Variants in ADCY4 observed in about 807,000 individuals in gnomAD.
ADCY4 encodes the protein adenylate cyclase 4.
Under a neutral mutation model 125.5 loss-of-function variants are expected in ADCY4, and 111 were observed. The ratio of observed to expected loss-of-function variants is 0.88; its 90% CI spans 0.76 to 1.04. The LOEUF is 1.04. ADCY4 is among the 50% of genes least tolerant of loss of function. The probability of loss-of-function intolerance (pLI) is 0.00; values close to 1 mark genes in which losing one functional copy is unlikely to be tolerated. For synonymous variants in ADCY4, 576 were observed against 586.9 expected, an observed-to-expected ratio of 0.98 and a Z score of 0.27; for missense variants, 1,256 against 1,382.9, an observed-to-expected ratio of 0.91 and a Z score of 1.46.
Position 24,323,021 on chromosome 14 carries a change from A to G in ADCY4, c.2225T>C (p.Leu742Pro). Reference protein sequence around the residue: ...CSLFLHMSFELKLLLLLLWLA... With the variant: ...CSLFLHMSFEPKLLLLLLWLA... ...CCACAGCAGGAGCAGCAGCAGCTTC[A>G]GCTCGAAGCTCATGTGCAGAAAGAG... is the stretch of plus-strand genomic sequence containing the variant. The change falls in exon 18 of 25, where the codon CTG (leucine) becomes CCG (proline). Residue 742 changes from leucine (L) to proline (P), a missense_variant. Leu to Pro is a moderately conservative substitution (Grantham distance 98). Transcript: ENST00000418030. The G allele has an allele frequency of 6.2e-7, 1 of 1,614,182 alleles. No individual in the cohort carries two copies. Among genetic ancestry groups the G allele is most frequent in the Non-Finnish European group, 8.5e-7 (1 of 1,180,026 alleles).
At position 24,318,513 on chromosome 14, in the gene ADCY4, C is replaced by T. The variant is rs779208083; in HGVS notation, c.3137G>A (p.Arg1046Gln). 27 of 1,614,030 alleles carry T rather than the reference C, an allele frequency of 1.7e-5. No individual in the cohort carries two copies. Among genetic ancestry groups the T allele is most frequent in the African/African-American group, 5.3e-5 (4 of 74,888 alleles). ...LQSLGYTCYSRGVIKVKGKGQ... is the reference protein window; with the variant it reads ...LQSLGYTCYSQGVIKVKGKGQ... ...TTTGCCTTTCACCTTGATGACACCC[C>T]GGCTGTAGCAGGTGTAGCCCAGGGA... The change falls in exon 25 of 25, where the codon CGG becomes CAG. Residue 1046 changes from arginine (R) to glutamine (Q), a missense_variant. Transcript: ENST00000418030.
chr14:24,324,595 G>A (rs2041911106), intron 14 of ADCY4, among the ~76,000 whole-genome samples: 1 of 152,194 alleles, frequency 6.6e-6, no homozygotes, highest in African/African-American at 2.4e-5. Context: ...GTGTCGAGGT[G>A]GAACAGGGAC....
At chr14:24,330,830 A>T in intron 6 of ADCY4, 188 bp downstream of exon 6, 1 of 585,092 alleles carries the variant, frequency 1.7e-6, no homozygotes, top group South Asian at 2.2e-5. Flanking sequence ...TGTAGGTTTG[A>T]GGTGTGTGGT....
intron 23 of ADCY4, 152 bp from the exon 24 acceptor site, chr14:24,318,930 G>T (rs955370201): frequency 1.4e-6 from 2 of 1,399,196 alleles, no homozygotes; most frequent in African/African-American, 2.9e-5. Flanking sequence ...GAAAAAGAGT[G>T]GGAGAGCCTC....
chr14:24,325,195 AGG>A (rs2041922803), intron 14 of ADCY4, among the ~76,000 whole-genome samples, 180 bp downstream of exon 14: 1 of 151,552 alleles, frequency 6.6e-6, no homozygotes, highest in African/African-American at 2.4e-5. Flanking sequence ...GAAAGTCCAC[AGG>A]ATCTACAAGG....
At position 24,332,564 on chromosome 14, in the gene ADCY4, A is replaced by T; in HGVS notation, c.477T>A (p.Tyr159Ter). ...SLSHLLVLGL[Y>*]LGPQPDSRPA... ...GCCGTGAGTCCGGCTGTGGCCCAAG[A>T]TACAGCCCGAGGACCAGCAGATGCG... Residue 159 changes from tyrosine (Y) to a stop codon, truncating the protein, a stop_gained, in exon 3 of 25, where the codon TAT (tyrosine) becomes TAA (stop). Transcript: ENST00000418030. LOFTEE classifies it high-confidence loss of function. 3 of 1,575,346 alleles carry T rather than the reference A, an allele frequency of 1.9e-6. No homozygotes were observed. Among genetic ancestry groups the T allele is most frequent in the Non-Finnish European group, 2.6e-6 (3 of 1,160,518 alleles).
chr14:24,325,951 A>G lies in ADCY4; in HGVS notation c.1656-64T>C. On this transcript the variant is annotated intron_variant, in intron 12 of 24. Transcript: ENST00000418030. ...ACAGAGGGCACAGAAGGGCAGGAAG[A>G]GGGCAGAGTGAGGGCAAGAGGGGGT... The G allele has an allele frequency of 1.9e-6, 3 of 1,582,652 alleles. No individual in the cohort carries two copies. The East Asian group carries it at 6.8e-5, about 36-fold the overall frequency.
chr14:24,322,781 C>G, intron 18 of ADCY4, 73 bp from the exon 19 acceptor site: 1 of 1,560,332 alleles, frequency 6.4e-7, no homozygotes, highest in South Asian at 1.2e-5. Flanking sequence ...CCATGTAGGC[C>G]TCCGCTTCCC....
At chr14:24,325,936 C>A in intron 12 of ADCY4, 49 bp from the exon 13 acceptor site, 1 of 1,578,486 alleles carries the variant, frequency 6.3e-7, no homozygotes, top group Non-Finnish European at 8.6e-7. Context: ...ACAGAGGGCA[C>A]AGAAGGGCAG....
At chr14:24,330,942 G>C in intron 6 of ADCY4, 76 bp downstream of exon 6, 1 of 1,345,982 alleles carries the variant, frequency 7.4e-7, no homozygotes, top group South Asian at 1.4e-5. Flanking sequence ...TTATAAGGTG[G>C]GAGTTTCCCT....
chr14:24,329,410 G>A lies in ADCY4; in HGVS notation c.1341C>T (p.Ile447=), dbSNP rs150250414. 328 of 1,554,106 alleles carry A rather than the reference G, an allele frequency of 2.1e-4. No homozygotes were observed. The highest frequency in any genetic ancestry group is 2.7e-4 in the Non-Finnish European group (316 of 1,154,832). The change falls in exon 9 of 25, where the codon ATC becomes ATT. Residue 447 remains isoleucine, a synonymous_variant. Transcript: ENST00000418030. ...TGGGCTGGGCTTTTACCCGTGGATCGATGACCAGATAGGTAGGCTCCCCTA... is the reference window on the plus strand; with the variant it reads ...TGGGCTGGGCTTTTACCCGTGGATCAATGACCAGATAGGTAGGCTCCCCTA... ...RELGEPTYLV[I]DPRAEEEDEK... is the part of the protein sequence containing the mutation.
chr14:24,325,532 G>A, intron 13 of ADCY4, 58 bp from the exon 14 acceptor site: 1 of 1,465,958 alleles, frequency 6.8e-7, no homozygotes, highest in Non-Finnish European at 9.5e-7. Flanking sequence ...TCACCTTGAA[G>A]GCATCACTCC....
Position 24,326,134 on chromosome 14 carries a change from G to T in ADCY4, c.1600C>A (p.Leu534Met), listed in dbSNP as rs1474649107. The T allele has an allele frequency of 4.4e-6, 7 of 1,592,724 alleles. No individual in the cohort carries two copies. Among genetic ancestry groups the T allele is most frequent in the South Asian group, 1.1e-5 (1 of 88,860 alleles). Residue 534 changes from leucine to methionine, a missense_variant, in exon 12 of 25, where the codon CTG (leucine) becomes ATG (methionine). By Grantham distance (15) the Leu-to-Met change is conservative. Coordinates refer to ENST00000418030, the MANE Select transcript of ADCY4 (RefSeq NM_001198568.2). ...AAGAACTTGGCATCCCCGGTGTCCA[G>T]TTCATCATCTAGTCCCCGGGGGGTA... ...SRTPRGLDDE[L>M]DTGDAKFFQV...
At chr14:24,332,147 A>G (rs2042051110) in intron 3 of ADCY4, 1 of 550,984 alleles carries the variant, frequency 1.8e-6, no homozygotes, top group Non-Finnish European at 2.9e-6. Flanking sequence ...CTTCACCAAC[A>G]CGACCTCTTA....
chr14:24,325,440 T>C lies in ADCY4; in HGVS notation c.1760A>G (p.Tyr587Cys), dbSNP rs1039643079. ...RLSAIPAFKY[Y>C]EACTFLVFLS... The stretch of plus-strand genomic sequence containing the variant: ...AAAAACCAGGAAGGTGCAGGCTTCA[T>C]AGTATTTGAAGGCGGGGATTGCAGA... Residue 587 changes from tyrosine (Y) to cysteine (C), a missense_variant, in exon 14 of 25, where the codon TAT (tyrosine) becomes TGT (cysteine). Coordinates refer to ENST00000418030, the MANE Select transcript of ADCY4 (RefSeq NM_001198568.2). The C allele has an allele frequency of 3.1e-6, 5 of 1,613,588 alleles. No homozygotes were observed. In the African/African-American group the frequency reaches 5.4e-5, roughly 17 times the overall value.
chr14:24,331,953 A>G lies in ADCY4; in HGVS notation c.520-16T>C. ...TTGCTGCCAACTGTGGGTGAAGGCC[A>G]GCCTCAGAGGGCGCGGGACCCGGGT... On this transcript the variant is annotated splice_polypyrimidine_tract_variant and intron_variant, in intron 3 of 24. Coordinates refer to ENST00000418030, the MANE Select transcript of ADCY4 (RefSeq NM_001198568.2). 2 of 1,545,812 alleles carry G rather than the reference A, an allele frequency of 1.3e-6. No homozygotes were observed. Among genetic ancestry groups the G allele is most frequent in the South Asian group, 1.2e-5 (1 of 85,284 alleles).
Position 24,329,975 on chromosome 14 carries a change from C to T in ADCY4, c.1102G>A (p.Gly368Ser), listed in dbSNP as rs762219344. The change falls in exon 8 of 25, where the codon GGC becomes AGC. Residue 368 changes from glycine to serine, a missense_variant. Transcript: ENST00000418030. ...CACAGTACGCTGCCTGAGTGCACGCCCACACGCATGTTGATGTCCACGCCA... is the reference window on the plus strand; with the variant it reads ...CACAGTACGCTGCCTGAGTGCACGCTCACACGCATGTTGATGTCCACGCCA... ...ATGVDINMRV[G>S]VHSGSVLCGV... 1 of 1,614,114 alleles carries T rather than the reference C, an allele frequency of 6.2e-7. No homozygotes were observed. Among genetic ancestry groups the T allele is most frequent in the Non-Finnish European group, 8.5e-7 (1 of 1,179,998 alleles).
At chr14:24,332,759 G>C in intron 2 of ADCY4, 32 bp downstream of exon 2, 1 of 1,530,468 alleles carries the variant, frequency 6.5e-7, no homozygotes, top group Non-Finnish European at 8.8e-7. Context: ...AGCCCGGGCC[G>C]TCCCCGCTGC....
rs142334177 is a variant in ADCY4 at position 24,322,916 on chromosome 14, G to A, written c.2330C>T (p.Pro777Leu). The A allele has an allele frequency of 2.1e-5, 33 of 1,601,330 alleles. No homozygotes were observed. The African/African-American group carries it at 4.3e-4, about 21-fold the overall frequency. ...CAGCTGTGCACACCTGGAGTCCAAG[G>A]GGCCCAGATAGAGGCGGACGATGAG... The part of the protein sequence containing the change: ...ECLIVRLYLG[P>L]LDSRPGVLKE... Residue 777 changes from proline to leucine, a missense_variant, in exon 18 of 25, where the codon CCC becomes CTC. Coordinates refer to ENST00000418030, the MANE Select transcript of ADCY4 (RefSeq NM_001198568.2).
Sources: gnomAD v4.1 joint callset for allele counts (sites outside exome capture counted in the v4.1 genomes callset) on GRCh38, gnomAD v4.1.1 for gene constraint, MANE v1.5 for transcripts, NCBI Gene and HGNC (gene_info 2026-07-23, HGNC 2026-07-21) for gene names.